The following ZNF7 variants were observed in gnomAD, a reference collection of about 807,000 sequenced individuals.
ZNF7 encodes zinc finger protein 7, also known as C2-H2 type zinc finger protein.
ZNF7 carries 10 observed loss-of-function variants against 12.0 expected under a neutral mutation model. That is an observed-to-expected ratio of 0.83 (90% confidence interval 0.51 to 1.42). The LOEUF is 1.42. Among genes scored for constraint, ZNF7 ranks in the 40% most tolerant of loss-of-function variants. ZNF7 has a pLI of 0.00. For missense variants in ZNF7, 854 were observed against 837.2 expected, an observed-to-expected ratio of 1.02 and a Z score of -0.25; for synonymous variants, 334 against 295.0, an observed-to-expected ratio of 1.13 and a Z score of -1.35.
Position 144,837,472 on chromosome 8 carries a change from C to T in ZNF7, c.212C>T (p.Ala71Val). ...EEPWVLDLQG[A>V]EGTEAPRTSK... ...CCATGGGTCCTCGACCTGCAGGGAG[C>T]AGAGGGGACAGAGGCACCAAGGACC... The change falls in exon 4 of 5, where the codon GCA becomes GTA. Residue 71 changes from alanine (A) to valine (V), a missense_variant. Coordinates refer to ENST00000532777, the MANE Select transcript of ZNF7 (RefSeq NM_003416.4). 6.2e-7 allele frequency: 1 copy of T among 1,611,790 alleles called. No homozygotes were observed. Among genetic ancestry groups the T allele is most frequent in the Non-Finnish European group, 8.5e-7 (1 of 1,178,202 alleles).
At chr8:144,845,501 C>G (rs1830462984), downstream of ZNF7, among the ~76,000 whole-genome samples, 1 of 152,142 alleles carries the variant, frequency 6.6e-6, no homozygotes, top group Non-Finnish European at 1.5e-5. Context: ...GTGGCTTGCT[C>G]AAGGCCTGAT....
chr8:144,827,604 G>A lies in ZNF7; in HGVS notation c.-51G>A. ...GTTTGCGAGCCTCGGGTGGTCCTCA[G>A]GGAGGGTGAGTCGGCGCGGCGGGCG... On this transcript the variant is annotated 5_prime_UTR_variant, in exon 1 of 5. Transcript: ENST00000532777. 1 of 985,638 alleles carries A rather than the reference G, an allele frequency of 1.0e-6. No homozygotes were observed. Among genetic ancestry groups the A allele is most frequent in the Middle Eastern group, 5.2e-4 (1 of 1,914 alleles). 61.1% of individuals were successfully genotyped at this position (985,638 alleles called of 1,614,324 possible).
In ZNF7 at chr8:144,842,711, GTAT is replaced by G; in HGVS notation, c.1605_1607del (p.Ser535_Met536delinsArg). On this transcript the variant is annotated inframe_deletion, in exon 5 of 5. Transcript: ENST00000532777. ...TGCCTCCAATGCGGAAAAGCCTTCA[GTAT>G]GAGCACACAGCTTACAATACATCAA... 1.2e-6 allele frequency: 2 copies of G among 1,614,168 alleles called. No individual in the cohort carries two copies. The highest frequency in any genetic ancestry group is 1.7e-6 in the Non-Finnish European group (2 of 1,180,038).
chr8:144,841,419 C>G lies in ZNF7; in HGVS notation c.312C>G (p.Ser104=), dbSNP rs371057783. 7 of 1,614,054 alleles carry G rather than the reference C, an allele frequency of 4.3e-6. No homozygotes were observed. The South Asian group carries it at 7.7e-5, about 18-fold the overall frequency. The change falls in exon 5 of 5, where the codon TCC becomes TCG. Residue 104 remains serine (S), a synonymous_variant. Transcript: ENST00000532777. ...CEDMDILKSE[S]YGTVVRISPQ... is the part of the protein sequence containing the mutation. ...ACATGGACATCCTAAAATCAGAATC[C>G]TATGGGACAGTGGTCAGAATCTCCC...
intron 3 of ZNF7, among the ~76,000 whole-genome samples, chr8:144,832,611 T>G (rs1828571789): frequency 6.6e-6 from 1 of 150,588 alleles, no homozygotes; most frequent in South Asian, 2.1e-4. Flanking sequence ...GGTTGTAATC[T>G]TGGCTTCTCA....
chr8:144,829,223 C>T (rs1267099388), intron 2 of ZNF7, 133 bp downstream of exon 2: 5 of 1,563,436 alleles, frequency 3.2e-6, no homozygotes, highest in Non-Finnish European at 4.3e-6. Flanking sequence ...CCCCCAACCC[C>T]AAGGTAGTGA....
chr8:144,833,355 T>G (rs112310630), intron 3 of ZNF7, among the ~76,000 whole-genome samples: 10,570 of 134,246 alleles, frequency 0.079, 1,226 homozygotes, highest in African/African-American at 0.26. Context: ...TTTTTTTGTT[T>G]GTTTGTTCAT....
At chr8:144,838,298 G>T in intron 4 of ZNF7, 1 of 585,276 alleles carries the variant, frequency 1.7e-6, no homozygotes. Context: ...AATCTGCAAC[G>T]ACTGTGTTTC....
chr8:144,835,465 G>T (rs185785233), intron 3 of ZNF7: 1 of 152,264 alleles, frequency 6.6e-6, no homozygotes, highest in Non-Finnish European at 1.5e-5. Flanking sequence ...CTTCCAAAAT[G>T]CTGGGATTAT....
chr8:144,829,357 G>A lies in ZNF7; in HGVS notation c.4-121G>A, dbSNP rs763539328. On this transcript the variant is annotated intron_variant, in intron 2 of 4. Coordinates refer to ENST00000532777, the MANE Select transcript of ZNF7 (RefSeq NM_003416.4). ...CCCTCCCCAGAATATTAGAGGCAGA[G>A]GAGTCCTGGTGAGCGTCTCGCCCAA... 297 of 1,557,664 alleles carry A rather than the reference G, an allele frequency of 1.9e-4. 2 individuals carry two copies. The highest frequency in any genetic ancestry group is 4.3e-5 in the Non-Finnish European group (49 of 1,149,976).
downstream of ZNF7, among the ~76,000 whole-genome samples, chr8:144,844,709 CAAAAAAA>C (rs71320849): frequency 8.6e-4 from 76 of 88,614 alleles, no homozygotes; most frequent in African/African-American, 1.5e-3. Flanking sequence ...GACTCTGTAT[CAAAAAAA>C]AAAAAAAAAA....
rs1406661146 is a variant in ZNF7, at chr8:144,843,388, G to A, written c.*220G>A. 4.1e-6 allele frequency: 2 copies of A among 482,100 alleles called. No homozygotes were observed. Among genetic ancestry groups the A allele is most frequent in the Non-Finnish European group, 3.5e-6 (1 of 282,228 alleles). The allele number at this position is 482,100 out of a possible 1,614,324, so 29.9% of individuals were successfully genotyped here. A position where few individuals can be genotyped will look rare whatever the true frequency, so the allele number is the denominator to read the frequency against. ...GCACATCACGAGGTCAGGAGGTTGA[G>A]ACCATCCTGGGTAACAGGTGAAACC... On this transcript the variant is annotated 3_prime_UTR_variant, in exon 5 of 5. Coordinates refer to ENST00000532777, the MANE Select transcript of ZNF7 (RefSeq NM_003416.4).
In ZNF7 at chr8:144,841,452, C is replaced by CT; in HGVS notation, c.348dup (p.Pro117SerfsTer11). The CT allele has an allele frequency of 6.2e-7, 1 of 1,614,246 alleles. No homozygotes were observed. Among genetic ancestry groups the CT allele is most frequent in the Non-Finnish European group, 8.5e-7 (1 of 1,180,052 alleles). On this transcript the variant is annotated frameshift_variant, in exon 5 of 5. Coordinates refer to ENST00000532777, the MANE Select transcript of ZNF7 (RefSeq NM_003416.4). LOFTEE classifies it low-confidence loss of function (END_TRUNC). ...CAGTGGTCAGAATCTCCCCACAGGA[C>CT]TTTCCTCAGAATCCTGGCTTTGGAG...
chr8:144,846,993 G>C (rs1735402), downstream of ZNF7: 59,547 of 152,198 alleles, frequency 0.39, 11,767 homozygotes, highest in South Asian at 0.5. Context: ...CCACCATGCC[G>C]AGCTGAGGAG....
intron 3 of ZNF7, among the ~76,000 whole-genome samples, chr8:144,830,222 G>C (rs1828280307): frequency 6.6e-6 from 1 of 152,236 alleles, no homozygotes; most frequent in South Asian, 2.1e-4. Flanking sequence ...TGGGCTGGGG[G>C]ATCAGGAGTG....
At chr8:144,828,973 AC>A (rs762292653) in intron 1 of ZNF7, 69 bp from the exon 2 acceptor site, 1 of 1,562,980 alleles carries the variant, frequency 6.4e-7, no homozygotes, top group Non-Finnish European at 8.7e-7. Flanking sequence ...AGAGCACAGT[AC>A]CCCCTTGATT....
chr8:144,841,279 T>C, intron 4 of ZNF7, 76 bp from the exon 5 acceptor site: 1 of 1,453,694 alleles, frequency 6.9e-7, no homozygotes, highest in Admixed American at 2.1e-5. Context: ...CCTTGAGCCC[T>C]GGCCCCCGCA....
At chr8:144,838,243 CATG>C in intron 4 of ZNF7, 1 of 662,090 alleles carries the variant, frequency 1.5e-6, no homozygotes, top group South Asian at 1.6e-5. Context: ...GGACACCAGT[CATG>C]GTGGGTTAGG....
At position 144,843,289 on chromosome 8, in the gene ZNF7, T is replaced by A; in HGVS notation, c.*121T>A. The A allele has an allele frequency of 7.9e-7, 1 of 1,261,092 alleles. No individual in the cohort carries two copies. Among genetic ancestry groups the A allele is most frequent in the Non-Finnish European group, 1.1e-6 (1 of 929,654 alleles). 78.1% of individuals were successfully genotyped at this position (1,261,092 alleles called of 1,614,324 possible). On this transcript the variant is annotated 3_prime_UTR_variant, in exon 5 of 5. Coordinates refer to ENST00000532777, the MANE Select transcript of ZNF7 (RefSeq NM_003416.4). ...TGTTGGTAAAGGTTCAGAATTGCTC[T>A]CAAGAATATCCAACTTCAGGCCGAG...
Sources: gnomAD v4.1 joint callset for allele counts (sites outside exome capture counted in the v4.1 genomes callset) on GRCh38, gnomAD v4.1.1 for gene constraint, MANE v1.5 for transcripts, NCBI Gene and HGNC (gene_info 2026-07-23, HGNC 2026-07-21) for gene names.